The following TMTC1 variants were observed in gnomAD, a reference collection of about 807,000 sequenced individuals.
TMTC1 encodes the protein protein O-mannosyl-transferase TMTC1.
A neutral mutation model predicts 104.8 loss-of-function variants in TMTC1; 73 were observed. The observed-to-expected ratio is 0.70, with a 90% CI of 0.58 to 0.85. The LOEUF is 0.85. Among genes scored for constraint, TMTC1 ranks in the 40% least tolerant of loss-of-function variants. The pLI, the probability that TMTC1 is intolerant of heterozygous loss-of-function variation, is 0.00. For synonymous variants in TMTC1, 434 were observed against 428.7 expected, an observed-to-expected ratio of 1.01 and a Z score of -0.15; for missense variants, 1,035 against 1,096.1, an observed-to-expected ratio of 0.94 and a Z score of 0.79.
chr12:29,570,622 T>A (rs1945641483), intron 9 of TMTC1, among the ~76,000 whole-genome samples: 1 of 152,078 alleles, frequency 6.6e-6, no homozygotes, highest in African/African-American at 2.4e-5. Context: ...GGTGGGTGGA[T>A]CACTTGAGGT....
intron 6 of TMTC1, among the ~76,000 whole-genome samples, chr12:29,606,587 C>T (rs756761937): frequency 2.2e-4 from 34 of 152,168 alleles, no homozygotes; most frequent in African/African-American, 5.8e-4. Context: ...AAATTATTCA[C>T]GTCTTCCCAA....
intron 8 of TMTC1, among the ~76,000 whole-genome samples, chr12:29,574,340 CT>C (rs1325400563): frequency 6.6e-6 from 1 of 152,016 alleles, no homozygotes; most frequent in Non-Finnish European, 1.5e-5. Context: ...TAACCTTTCC[CT>C]ATACTAAGCC....
At chr12:29,722,604 T>C (rs1230965476) in intron 5 of TMTC1, among the ~76,000 whole-genome samples, 1 of 152,120 alleles carries the variant, frequency 6.6e-6, no homozygotes, top group African/African-American at 2.4e-5. Flanking sequence ...ATCTAAAAGA[T>C]TCTATTCATG....
rs564560311 is a variant in TMTC1, at chr12:29,707,477, T to C, written c.938+44189A>G. ...CAGCTCCAGGCATCGCGTCCTCTACTATGAGGCTACAAAGTCCAGAGTGTT... is the reference window on the plus strand; with the variant it reads ...CAGCTCCAGGCATCGCGTCCTCTACCATGAGGCTACAAAGTCCAGAGTGTT... On this transcript the variant is annotated intron_variant, in intron 5 of 17. Transcript: ENST00000539277. Among the ~76,000 whole-genome samples the C allele has an allele frequency of 2.6e-5, 4 of 152,278 alleles. No homozygotes were observed. The South Asian group carries it at 8.3e-4, about 32-fold the overall frequency.
At position 29,659,882 on chromosome 12, in the gene TMTC1, C is replaced by T. The variant is rs577945801; in HGVS notation, c.939-26546G>A. 1.8e-5 allele frequency: 28 copies of T among 1,533,016 alleles called. No homozygotes were observed. The Admixed American group carries it at 2.0e-4, about 11-fold the overall frequency. The allele number at this position is 1,533,016 out of a possible 1,614,324, so 95.0% of individuals were successfully genotyped here. A position where few individuals can be genotyped will look rare whatever the true frequency, so the allele number is the denominator to read the frequency against. On this transcript the variant is annotated intron_variant, in intron 5 of 17. Coordinates refer to ENST00000539277, the MANE Select transcript of TMTC1 (RefSeq NM_001193451.2). ...TTAAAAAAATTATTTATACTAACCT[C>T]GTAAGAATGTAAGGCGAAAATGAAG...
chr12:29,612,326 T>G (rs1946865868), intron 6 of TMTC1, among the ~76,000 whole-genome samples: 1 of 152,184 alleles, frequency 6.6e-6, no homozygotes, highest in Non-Finnish European at 1.5e-5. Context: ...CAACAGGATC[T>G]ATGGCACACA....
intron 5 of TMTC1, among the ~76,000 whole-genome samples, chr12:29,654,618 A>G: frequency 6.6e-6 from 1 of 152,074 alleles, no homozygotes; most frequent in East Asian, 1.9e-4. Flanking sequence ...TACTCAAGAG[A>G]AATGAAAACA....
chr12:29,741,227 A>G (rs183176444), intron 5 of TMTC1, among the ~76,000 whole-genome samples: 4 of 152,352 alleles, frequency 2.6e-5, no homozygotes, highest in African/African-American at 7.2e-5. Context: ...TTAACAATGG[A>G]AAAGGAAAAG....
chr12:29,632,721 T>C (rs1276811313), intron 6 of TMTC1, among the ~76,000 whole-genome samples: 2 of 152,220 alleles, frequency 1.3e-5, no homozygotes, highest in Admixed American at 6.5e-5. Flanking sequence ...TTGAAATAGC[T>C]GTTTTTAGTA....
intron 5 of TMTC1, among the ~76,000 whole-genome samples, chr12:29,677,388 C>T (rs1012922914): frequency 3.3e-5 from 5 of 152,006 alleles, no homozygotes; most frequent in African/African-American, 4.8e-5. Context: ...AAATATGTGC[C>T]ATAAAATATG....
chr12:29,744,994 T>C (rs893820656), intron 5 of TMTC1, among the ~76,000 whole-genome samples: 1 of 152,138 alleles, frequency 6.6e-6, no homozygotes, highest in Non-Finnish European at 1.5e-5. Flanking sequence ...GGTGTGATCA[T>C]GGCTCACTAC....
intron 5 of TMTC1, among the ~76,000 whole-genome samples, chr12:29,715,360 T>G (rs749327951): frequency 6.6e-6 from 1 of 152,160 alleles, no homozygotes; most frequent in South Asian, 2.1e-4. Context: ...TATAAGTATA[T>G]AAATGAAAAA....
At chr12:29,764,071 T>G (rs1228174353) in intron 2 of TMTC1, among the ~76,000 whole-genome samples, 1 of 152,230 alleles carries the variant, frequency 6.6e-6, no homozygotes, top group African/African-American at 2.4e-5. Context: ...ATGGCCAGCA[T>G]GTATTTTAGC....
At chr12:29,561,660 T>C (rs1945380915) in intron 9 of TMTC1, among the ~76,000 whole-genome samples, 3 of 147,432 alleles carry the variant, frequency 2.0e-5, no homozygotes, top group Non-Finnish European at 4.4e-5. Flanking sequence ...TTTATGTCAG[T>C]TATTTACTTT....
intron 5 of TMTC1, among the ~76,000 whole-genome samples, chr12:29,740,753 T>C (rs773654591): frequency 1.4e-4 from 22 of 152,088 alleles, no homozygotes; most frequent in Non-Finnish European, 3.1e-4. Context: ...ATTGTATGCA[T>C]GAGCCACTAT....
intron 5 of TMTC1, among the ~76,000 whole-genome samples, chr12:29,636,037 A>G (rs1366304425): frequency 1.3e-5 from 2 of 152,258 alleles, no homozygotes; most frequent in South Asian, 2.1e-4. Flanking sequence ...AATCACTGTT[A>G]AAGTGTGATA....
chr12:29,632,262 A>G (rs1440738856), intron 6 of TMTC1, among the ~76,000 whole-genome samples: 1 of 146,874 alleles, frequency 6.8e-6, no homozygotes, highest in Non-Finnish European at 1.5e-5. Context: ...ATCTTATCCA[A>G]TGCAGTAGCA....
intron 10 of TMTC1, among the ~76,000 whole-genome samples, chr12:29,543,983 C>T (rs976176638): frequency 2.0e-5 from 3 of 152,090 alleles, no homozygotes; most frequent in Non-Finnish European, 2.9e-5. Flanking sequence ...GTGGCTCATG[C>T]CTGTAATCTC....
chr12:29,509,169 C>A (rs1943766354), intron 17 of TMTC1, among the ~76,000 whole-genome samples: 1 of 152,172 alleles, frequency 6.6e-6, no homozygotes, highest in Non-Finnish European at 1.5e-5. Context: ...TGCTGGACAG[C>A]ACCATTCTAG....
Sources: gnomAD v4.1 joint callset for allele counts (sites outside exome capture counted in the v4.1 genomes callset) on GRCh38, gnomAD v4.1.1 for gene constraint, MANE v1.5 for transcripts, NCBI Gene and HGNC (gene_info 2026-07-23, HGNC 2026-07-21) for gene names.